The following NEGR1 variants were observed in gnomAD, a reference collection of about 807,000 sequenced individuals.
NEGR1 encodes neuronal growth regulator 1, also known as IgLON family member 4.
In NEGR1, 10 loss-of-function variants were observed where a neutral mutation model predicts 40.9. That is an observed-to-expected ratio of 0.24 (90% confidence interval 0.15 to 0.42). The LOEUF is 0.42. Ranked by LOEUF, NEGR1 falls within the 10% of genes least tolerant of loss-of-function variation. NEGR1 has a pLI of 1.00. For missense variants in NEGR1, 352 were observed against 438.9 expected, an observed-to-expected ratio of 0.80 and a Z score of 1.77; for synonymous variants, 185 against 166.8, an observed-to-expected ratio of 1.11 and a Z score of -0.84.
chr1:71,595,915 A>C (rs1399146108), intron 5 of NEGR1, among the ~76,000 whole-genome samples: 1 of 152,114 alleles, frequency 6.6e-6, no homozygotes, highest in Non-Finnish European at 1.5e-5. Flanking sequence ...TTCTTTACAA[A>C]ATTGATTTAT....
At chr1:72,281,797 T>A (rs571221669) in intron 1 of NEGR1, among the ~76,000 whole-genome samples, 2 of 151,236 alleles carry the variant, frequency 1.3e-5, no homozygotes, top group Non-Finnish European at 2.9e-5. Context: ...GAAAATGGTA[T>A]AAGAGAATGA....
chr1:72,038,549 A>G (rs1646924662), intron 1 of NEGR1, among the ~76,000 whole-genome samples: 1 of 152,016 alleles, frequency 6.6e-6, no homozygotes, highest in Non-Finnish European at 1.5e-5. Context: ...TCTGCATAAT[A>G]ACTCCATTTG....
At chr1:72,187,976 C>T (rs984557554) in intron 1 of NEGR1, among the ~76,000 whole-genome samples, 2 of 151,282 alleles carry the variant, frequency 1.3e-5, no homozygotes, top group African/African-American at 2.4e-5. Context: ...CACTCTACTC[C>T]GGAGAATTTA....
chr1:71,783,649 G>T (rs1287447186), intron 2 of NEGR1, among the ~76,000 whole-genome samples: 3 of 152,134 alleles, frequency 2.0e-5, no homozygotes, highest in Non-Finnish European at 2.9e-5. Context: ...TAGGGGTAAA[G>T]AATCCGTATA....
chr1:71,767,760 G>C (rs1347280525), intron 3 of NEGR1, among the ~76,000 whole-genome samples: 1 of 152,204 alleles, frequency 6.6e-6, no homozygotes, highest in Non-Finnish European at 1.5e-5. Context: ...CACAGACCTG[G>C]AGGCCTACCA....
chr1:71,658,656 A>C (rs376260075), intron 4 of NEGR1, among the ~76,000 whole-genome samples: 1 of 152,208 alleles, frequency 6.6e-6, no homozygotes, highest in East Asian at 1.9e-4. Flanking sequence ...AAGTTAAATA[A>C]AGTAATACTA....
At chr1:71,599,266 G>A (rs1346967214) in intron 5 of NEGR1, among the ~76,000 whole-genome samples, 1 of 152,126 alleles carries the variant, frequency 6.6e-6, no homozygotes, top group African/African-American at 2.4e-5. Flanking sequence ...TTTCCTCTCA[G>A]TTGGCAGAAA....
chr1:71,714,219 T>C (rs1654199602), intron 3 of NEGR1, among the ~76,000 whole-genome samples: 1 of 152,232 alleles, frequency 6.6e-6, no homozygotes, highest in Non-Finnish European at 1.5e-5. Flanking sequence ...TCATGAGGAC[T>C]CACTATCATG....
chr1:71,979,741 A>T (rs1158821384), intron 1 of NEGR1, among the ~76,000 whole-genome samples: 1 of 152,194 alleles, frequency 6.6e-6, no homozygotes, highest in East Asian at 1.9e-4. Flanking sequence ...TGAGCAAAAG[A>T]AGCAGGTCAA....
Position 71,406,264 on chromosome 1 carries a change from A to T in NEGR1, c.*1182T>A, listed in dbSNP as rs1646277212. On this transcript the variant is annotated 3_prime_UTR_variant, in exon 7 of 7. Transcript: ENST00000357731. ...TTTTGGAAGTTTTAAAATATATAAC[A>T]TGCATTCCAGACTATCAACTGAGTG... 1 of 151,988 alleles carries T rather than the reference A, an allele frequency of 6.6e-6. No homozygotes were observed. The highest frequency in any genetic ancestry group is 1.5e-5 in the Non-Finnish European group (1 of 67,886). 9.4% of individuals were successfully genotyped at this position (151,988 alleles called of 1,614,324 possible).
chr1:72,096,975 C>T (rs1648726499), intron 1 of NEGR1, among the ~76,000 whole-genome samples: 1 of 152,106 alleles, frequency 6.6e-6, no homozygotes, highest in South Asian at 2.1e-4. Context: ...AGCCACCGCA[C>T]CCAGCTGTAG....
chr1:71,975,432 TAGG>T (rs1646293455), intron 1 of NEGR1, among the ~76,000 whole-genome samples: 4 of 152,150 alleles, frequency 2.6e-5, no homozygotes. Flanking sequence ...AAGGACATGA[TAGG>T]AGGAGAATTA....
At chr1:71,998,532 G>C (rs1646525785) in intron 1 of NEGR1, among the ~76,000 whole-genome samples, 1 of 151,576 alleles carries the variant, frequency 6.6e-6, no homozygotes, top group African/African-American at 2.4e-5. Flanking sequence ...GATACCTCAT[G>C]CACCTTTAAG....
Position 71,729,945 on chromosome 1 carries a change from T to C in NEGR1, c.536-31806A>G, listed in dbSNP as rs568877705. Among the ~76,000 whole-genome samples the C allele has an allele frequency of 4.6e-5, 7 of 151,886 alleles. No individual in the cohort carries two copies. The East Asian group carries it at 1.4e-3, about 30-fold the overall frequency. ...ATCTTTTTTATTGAGAGACAATAAC[T>C]TATGAGAGAGTCCAAAACTAACTTT... is the stretch of plus-strand genomic sequence containing the variant. On this transcript the variant is annotated intron_variant, in intron 3 of 6. Transcript: ENST00000357731.
intron 6 of NEGR1, among the ~76,000 whole-genome samples, chr1:71,543,481 T>G (rs1428424747): frequency 6.6e-6 from 1 of 151,760 alleles, no homozygotes; most frequent in Non-Finnish European, 1.5e-5. Context: ...TGTGCTTTCC[T>G]GACCATATCA....
chr1:72,187,304 T>C (rs1652646706), intron 1 of NEGR1, among the ~76,000 whole-genome samples: 1 of 151,544 alleles, frequency 6.6e-6, no homozygotes, highest in Admixed American at 6.6e-5. Flanking sequence ...ACATTTCTGT[T>C]TAATTTGTAT....
chr1:71,775,853 T>C (rs1405622715), intron 3 of NEGR1, among the ~76,000 whole-genome samples: 1 of 151,374 alleles, frequency 6.6e-6, no homozygotes, highest in African/African-American at 2.4e-5. Context: ...AGTAGCCAGA[T>C]GTGGTGGTGC....
chr1:71,825,617 T>C (rs1031727506), intron 2 of NEGR1, among the ~76,000 whole-genome samples: 5 of 151,894 alleles, frequency 3.3e-5, no homozygotes, highest in Non-Finnish European at 5.9e-5. Flanking sequence ...TTCCTCTCTA[T>C]GGAATTTTGT....
At chr1:71,592,789 A>G in intron 6 of NEGR1, 28 bp downstream of exon 6, 1 of 1,586,820 alleles carries the variant, frequency 6.3e-7, no homozygotes. Context: ...GGCCCCTGGA[A>G]GCATTTTGGT....
Sources: allele counts gnomAD v4.1 joint callset (sites outside exome capture counted in the v4.1 genomes callset), GRCh38; gene constraint gnomAD v4.1.1; transcripts MANE v1.5; gene names NCBI Gene and HGNC (gene_info 2026-07-23, HGNC 2026-07-21).